Variants in BLNK observed in about 807,000 individuals in gnomAD.
BLNK encodes B cell linker, also known as B-cell linker protein.
Under a neutral mutation model 73.5 loss-of-function variants are expected in BLNK, and 29 were observed. That is an observed-to-expected ratio of 0.39 (90% confidence interval 0.29 to 0.54). The LOEUF (loss-of-function observed/expected upper bound fraction) is 0.54, where lower values mean the gene tolerates loss of function less well. BLNK is among the 20% of genes least tolerant of loss of function. The pLI, the probability that BLNK is intolerant of heterozygous loss-of-function variation, is 0.61. For missense variants in BLNK, 460 were observed against 562.8 expected, an observed-to-expected ratio of 0.82 and a Z score of 1.85; for synonymous variants, 176 against 200.8, an observed-to-expected ratio of 0.88 and a Z score of 1.04.
At position 96,271,450 on chromosome 10, in the gene BLNK, C is replaced by A. The variant is rs1554915766; in HGVS notation, c.-52G>T. On this transcript the variant is annotated 5_prime_UTR_variant, in exon 1 of 17. Coordinates refer to ENST00000224337, the MANE Select transcript of BLNK (RefSeq NM_013314.4). ...AATAACTGTCCAGTGGTCACGTCAGCAGTTCCTGGCCCTCCTAGGGAGCAG... is the reference window on the plus strand; with the variant it reads ...AATAACTGTCCAGTGGTCACGTCAGAAGTTCCTGGCCCTCCTAGGGAGCAG... The A allele has an allele frequency of 1.9e-6, 3 of 1,580,312 alleles. No individual in the cohort carries two copies. Among genetic ancestry groups the A allele is most frequent in the Non-Finnish European group, 2.6e-6 (3 of 1,149,444 alleles).
intron 3 of BLNK, among the ~76,000 whole-genome samples, chr10:96,231,415 C>A: frequency 6.6e-6 from 1 of 152,180 alleles, no homozygotes; most frequent in East Asian, 1.9e-4. Context: ...TTAGCCCTCT[C>A]AAAGACGCTG....
rs587693178 is a variant in BLNK at position 96,237,708 on chromosome 10, T to C, written c.163+5027A>G. Among the ~76,000 whole-genome samples, 7 of 152,280 alleles carry C rather than the reference T, an allele frequency of 4.6e-5. No individual in the cohort carries two copies. The East Asian group carries it at 1.4e-3, about 29-fold the overall frequency. On this transcript the variant is annotated intron_variant, in intron 3 of 16. Coordinates refer to ENST00000224337, the MANE Select transcript of BLNK (RefSeq NM_013314.4). ...TGGGAAGCGAGTTCTTGCATTAATGTCAGGAGCTCTAGTGCCTTCAGAATA... is the reference window on the plus strand; with the variant it reads ...TGGGAAGCGAGTTCTTGCATTAATGCCAGGAGCTCTAGTGCCTTCAGAATA...
chr10:96,247,134 AAG>A, intron 1 of BLNK, 85 bp from the exon 2 acceptor site: 2 of 946,878 alleles, frequency 2.1e-6, no homozygotes, highest in Non-Finnish European at 3.2e-6. Context: ...GAATACAAAA[AAG>A]GGGAAAAAAC....
intron 1 of BLNK, among the ~76,000 whole-genome samples, chr10:96,253,889 C>T (rs868984990): frequency 4.0e-4 from 61 of 151,902 alleles, no homozygotes; most frequent in South Asian, 1.0e-3. Flanking sequence ...GGCATGGTGG[C>T]GGGCGCCTGT....
chr10:96,222,970 T>C (rs2134018187), intron 6 of BLNK, among the ~76,000 whole-genome samples: 1 of 152,166 alleles, frequency 6.6e-6, no homozygotes, highest in Admixed American at 6.5e-5. Flanking sequence ...AATAATTGGT[T>C]ACAGCCAGCG....
At chr10:96,232,334 C>A (rs1842531021) in intron 3 of BLNK, among the ~76,000 whole-genome samples, 1 of 137,022 alleles carries the variant, frequency 7.3e-6, no homozygotes, top group African/African-American at 2.6e-5. Flanking sequence ...GTAGCCACTG[C>A]CACAGAGGAC....
rs782808400 is a variant in BLNK, at chr10:96,191,419, T to C, written c.*554A>G. ...CAGCATAATCCTAGACAAGAACTTATAGAAAGTTCATATCCATATATATAT... is the reference window on the plus strand; with the variant it reads ...CAGCATAATCCTAGACAAGAACTTACAGAAAGTTCATATCCATATATATAT... On this transcript the variant is annotated 3_prime_UTR_variant, in exon 17 of 17. Coordinates refer to ENST00000224337, the MANE Select transcript of BLNK (RefSeq NM_013314.4). Among the ~76,000 whole-genome samples, 1 of 152,050 alleles carries C rather than the reference T, an allele frequency of 6.6e-6. No homozygotes were observed. The highest frequency in any genetic ancestry group is 1.5e-5 in the Non-Finnish European group (1 of 68,006).
chr10:96,208,502 C>T (rs1465974829), intron 9 of BLNK, among the ~76,000 whole-genome samples: 1 of 152,184 alleles, frequency 6.6e-6, no homozygotes, highest in Non-Finnish European at 1.5e-5. Context: ...AGGTACTTGC[C>T]TGCACTAACA....
rs554774967 is a variant in BLNK, at chr10:96,265,188, T to A, written c.47+6164A>T. ...TGTAGAGATGGGTGTCTCATTATGT[T>A]GACCCGGCTGGTCTTGAACTTCTGG... On this transcript the variant is annotated intron_variant, in intron 1 of 16. Transcript: ENST00000224337. Among the ~76,000 whole-genome samples the A allele has an allele frequency of 1.9e-4, 29 of 151,616 alleles. No individual in the cohort carries two copies. The East Asian group carries it at 5.0e-3, about 26-fold the overall frequency.
rs1296073011 is a variant in BLNK, at chr10:96,190,879, G to A, written c.*1094C>T. Among the ~76,000 whole-genome samples the A allele has an allele frequency of 1.3e-5, 2 of 152,134 alleles. No individual in the cohort carries two copies. Among genetic ancestry groups the A allele is most frequent in the Non-Finnish European group, 2.9e-5 (2 of 68,022 alleles). On this transcript the variant is annotated 3_prime_UTR_variant, in exon 17 of 17. Transcript: ENST00000224337. The stretch of plus-strand genomic sequence containing the variant: ...ATGTCTGCTTTTCTGCTCTTGTTTT[G>A]TGGGATATTTCTCTAGGAACTGGCT...
rs1554899971 is a variant in BLNK at position 96,216,743 on chromosome 10, A to G, written c.526-9T>C. The G allele has an allele frequency of 2.5e-6, 4 of 1,611,126 alleles. No individual in the cohort carries two copies. Among genetic ancestry groups the G allele is most frequent in the Non-Finnish European group, 3.4e-6 (4 of 1,177,312 alleles). ...GGGACCACATAATCAGCCTAACAGA[A>G]ATACAAAACTGAATGAGAAGAATGC... On this transcript the variant is annotated splice_polypyrimidine_tract_variant and intron_variant, in intron 6 of 16. Coordinates refer to ENST00000224337, the MANE Select transcript of BLNK (RefSeq NM_013314.4).
chr10:96,226,045 A>T (rs587665767), intron 5 of BLNK, among the ~76,000 whole-genome samples: 4 of 152,264 alleles, frequency 2.6e-5, no homozygotes, highest in Admixed American at 2.0e-4. Context: ...TTCACCAAGT[A>T]TGGTGGGTGG....
At chr10:96,253,445 G>C (rs963691688) in intron 1 of BLNK, among the ~76,000 whole-genome samples, 1 of 152,354 alleles carries the variant, frequency 6.6e-6, no homozygotes, top group Middle Eastern at 3.4e-3. Context: ...CTGGGATCAA[G>C]AGGCTTGGAC....
chr10:96,223,250 C>A (rs1554901579), intron 6 of BLNK, among the ~76,000 whole-genome samples: 1 of 152,192 alleles, frequency 6.6e-6, no homozygotes, highest in Admixed American at 6.5e-5. Context: ...ACAGCCCACA[C>A]AAAGGAAGAA....
Position 96,200,852 on chromosome 10 carries a change from A to C in BLNK, c.1011+130T>G. The C allele has an allele frequency of 1.1e-6, 1 of 875,898 alleles. No individual in the cohort carries two copies. The highest frequency in any genetic ancestry group is 1.7e-5 in the African/African-American group (1 of 60,596). 54.3% of individuals were successfully genotyped at this position (875,898 alleles called of 1,614,324 possible). ...TATTCTGTCCCTATTACCAAATGAC[A>C]GTTCACATAATGATGTAAAATACAG... On this transcript the variant is annotated intron_variant, in intron 14 of 16. Coordinates refer to ENST00000224337, the MANE Select transcript of BLNK (RefSeq NM_013314.4). The surrounding 1 kb of genome is among the most constrained non-coding windows in gnomAD (Gnocchi z 4.3).
In BLNK at chr10:96,224,006, A is replaced by G. The variant is rs118063042; in HGVS notation, c.362-17T>C. On this transcript the variant is annotated splice_polypyrimidine_tract_variant and intron_variant, in intron 5 of 16. Coordinates refer to ENST00000224337, the MANE Select transcript of BLNK (RefSeq NM_013314.4). ...ATCGATTGTCTTGAAAGGAACAAAC[A>G]AAAAACATAACATAAAAGAGGCTCT... 7.0e-3 allele frequency: 11,229 copies of G among 1,612,340 alleles called. 71 individuals carry two copies. The highest frequency in any genetic ancestry group is 0.016 in the Middle Eastern group (74 of 4,660).
intron 3 of BLNK, among the ~76,000 whole-genome samples, chr10:96,232,767 A>G (rs1450135608): frequency 6.6e-6 from 1 of 151,952 alleles, no homozygotes. Flanking sequence ...CCTCTTCCCA[A>G]TATGATTACC....
At chr10:96,209,790 T>A (rs782381338) in intron 9 of BLNK, 48 bp downstream of exon 9, 3 of 1,605,244 alleles carry the variant, frequency 1.9e-6, no homozygotes, top group Non-Finnish European at 2.6e-6. Flanking sequence ...GGTATCACCA[T>A]CCTCACTCCC....
intron 8 of BLNK, among the ~76,000 whole-genome samples, chr10:96,214,925 TGGCATAGCTGGTAACGG>T (rs2084029392): frequency 6.6e-6 from 1 of 152,022 alleles, no homozygotes; most frequent in Non-Finnish European, 1.5e-5. Context: ...AAGCCCAAGG[TGGCATAGCTGGTAACGG>T]GGCACACTGG....
Sources: gnomAD v4.1 joint callset for allele counts (sites outside exome capture counted in the v4.1 genomes callset) on GRCh38, gnomAD v4.1.1 for gene constraint, Gnocchi (gnomAD v3.1) non-coding constraint, MANE v1.5 for transcripts, NCBI Gene and HGNC (gene_info 2026-07-23, HGNC 2026-07-21) for gene names.